Variants in BRI3 observed in about 807,000 individuals in gnomAD.
BRI3 encodes the protein membrane protein BRI3.
In BRI3, 6 loss-of-function variants were observed where a neutral mutation model predicts 12.8. The ratio of observed to expected loss-of-function variants is 0.47; its 90% confidence interval spans 0.26 to 0.93. BRI3 has a LOEUF of 0.93. Among genes scored for constraint, BRI3 ranks in the 40% least tolerant of loss-of-function variants. The pLI, the probability that BRI3 is intolerant of heterozygous loss-of-function variation, is 0.15. For synonymous variants in BRI3, 91 were observed against 76.1 expected (o/e 1.20, Z -1.02); for missense variants, 134 against 171.1 (o/e 0.78, Z 1.21).
downstream of BRI3, among the ~76,000 whole-genome samples, chr7:98,313,824 C>A (rs369568222): frequency 6.8e-6 from 1 of 146,940 alleles, no homozygotes; most frequent in African/African-American, 2.5e-5. Context: ...GAGATAGGGT[C>A]TCGCTATGCT....
At position 98,310,361 on chromosome 7, in the gene BRI3, C is replaced by G. The variant is rs572810697; in HGVS notation, n.2991C>G. On this transcript the variant is annotated non_coding_transcript_exon_variant, in exon 2 of 2. Coordinates refer to the BRI3 transcript ENST00000485422. ...TTGTTTACCTCCAAACCTTGCAATA[C>G]ATTTATACAAAATATTTATTTCACA... 31 of 1,468,850 alleles carry G rather than the reference C, an allele frequency of 2.1e-5. No homozygotes were observed. The African/African-American group carries it at 4.5e-4, about 21-fold the overall frequency. 91.0% of individuals were successfully genotyped at this position (1,468,850 alleles called of 1,614,324 possible).
chr7:98,281,834 C>T lies in BRI3; in HGVS notation c.39C>T (p.Ala13=). 7.8e-7 allele frequency: 1 copy of T among 1,285,002 alleles called. No homozygotes were observed. Among genetic ancestry groups the T allele is most frequent in the Non-Finnish European group, 9.9e-7 (1 of 1,013,154 alleles). The allele number at this position is 1,285,002 out of a possible 1,614,324, so 79.6% of individuals were successfully genotyped here. ...HKPLLQERPP[A]YNLEAGQGDY... ...CGCTGCTGCAGGAGCGGCCGCCCGC[C>T]TACAACCTGGAGGCCGGCCAGGGCG... Residue 13 remains alanine (A), a synonymous_variant, in exon 1 of 3, where the codon GCC becomes GCT. Transcript: ENST00000297290.
rs1455939695 is a variant in BRI3, at chr7:98,291,392, G to T, written c.*149G>T. On this transcript the variant is annotated 3_prime_UTR_variant, in exon 3 of 3. Coordinates refer to ENST00000297290, the MANE Select transcript of BRI3 (RefSeq NM_015379.5). ...CACACGCCAGCTGCGGTTTCCCGGA[G>T]CGTGGAGAGGCAGTGCTGCTGCTCC... 6.8e-7 allele frequency: 1 copy of T among 1,464,998 alleles called. No homozygotes were observed. Among genetic ancestry groups the T allele is most frequent in the African/African-American group, 1.4e-5 (1 of 70,378 alleles). The allele number at this position is 1,464,998 out of a possible 1,614,324, so 90.7% of individuals were successfully genotyped here.
intron 2 of BRI3, among the ~76,000 whole-genome samples, chr7:98,289,574 A>G (rs1267264065): frequency 6.6e-6 from 1 of 152,176 alleles, no homozygotes; most frequent in Non-Finnish European, 1.5e-5. Context: ...TTCCCCCCTA[A>G]GCACCAGGTC....
At chr7:98,304,096 T>TG, upstream of BRI3, 1 of 1,278,082 alleles carries the variant, frequency 7.8e-7, no homozygotes. Context: ...ACTCTCCCCC[T>TG]GGGGACAGAG....
At chr7:98,293,121 G>A (rs1261127535), downstream of BRI3, 1 of 397,618 alleles carries the variant, frequency 2.5e-6, no homozygotes, top group Non-Finnish European at 3.6e-6. Context: ...GCTATTAAGA[G>A]CACATGCTTT....
At chr7:98,293,608 A>G (rs753741284), downstream of BRI3, 2 of 1,610,874 alleles carry the variant, frequency 1.2e-6, no homozygotes, top group South Asian at 1.1e-5. Flanking sequence ...TGCAGGGGAT[A>G]AGAAAAATCT....
chr7:98,311,965 G>A (rs1214029132), downstream of BRI3: 1 of 894,002 alleles, frequency 1.1e-6, no homozygotes, highest in Admixed American at 2.4e-5. Flanking sequence ...AAGGTAAGGG[G>A]ATAGAGGTGC....
At chr7:98,295,688 T>C (rs1012751399), downstream of BRI3, among the ~76,000 whole-genome samples, 3 of 151,800 alleles carry the variant, frequency 2.0e-5, no homozygotes, top group Admixed American at 6.6e-5. Context: ...GCCAACACCA[T>C]CTCCCTCACA....
upstream of BRI3, among the ~76,000 whole-genome samples, chr7:98,305,792 T>C (rs1209972381): frequency 6.6e-6 from 1 of 152,162 alleles, no homozygotes; most frequent in Non-Finnish European, 1.5e-5. Flanking sequence ...AAAAAATCAA[T>C]GCAAAGTCCT....
intron 2 of BRI3, among the ~76,000 whole-genome samples, chr7:98,289,086 T>G (rs1458993793): frequency 6.6e-6 from 1 of 152,042 alleles, no homozygotes; most frequent in African/African-American, 2.4e-5. Flanking sequence ...GCTTCCCGAG[T>G]AGCTGGGATT....
At chr7:98,304,411 AAT>A (rs1800553249), upstream of BRI3, 2 of 1,608,020 alleles carry the variant, frequency 1.2e-6, no homozygotes, top group Admixed American at 1.7e-5. Context: ...CGTGTTAGAT[AAT>A]GTCTCACCAC....
downstream of BRI3, chr7:98,291,589 T>C (rs890831865): frequency 1.2e-5 from 13 of 1,046,850 alleles, no homozygotes; most frequent in Non-Finnish European, 1.5e-5. Flanking sequence ...GACACCCCCA[T>C]CGCTCCCCCG....
chr7:98,311,968 A>C, downstream of BRI3: 1 of 903,740 alleles, frequency 1.1e-6, no homozygotes, highest in South Asian at 1.7e-5. Flanking sequence ...GTAAGGGGAT[A>C]GAGGTGCGAA....
At chr7:98,322,094 T>C in the BRI3 span, among the ~76,000 whole-genome samples, 1 of 151,820 alleles carries the variant, frequency 6.6e-6, no homozygotes, top group Non-Finnish European at 1.5e-5. Flanking sequence ...AGACCCTGTC[T>C]CCCCGCCCCC....
chr7:98,305,475 G>A (rs941305985), upstream of BRI3, among the ~76,000 whole-genome samples: 1 of 152,150 alleles, frequency 6.6e-6, no homozygotes, highest in Non-Finnish European at 1.5e-5. Context: ...GGACCTGGAG[G>A]CCTTCTACCT....
At chr7:98,303,828 G>T (rs959237551), upstream of BRI3, among the ~76,000 whole-genome samples, 1 of 152,226 alleles carries the variant, frequency 6.6e-6, no homozygotes, top group East Asian at 1.9e-4. Flanking sequence ...CACTTTTAAT[G>T]TAAGCCTCTC....
At chr7:98,306,430 C>T (rs758242917), upstream of BRI3, 1 of 1,614,122 alleles carries the variant, frequency 6.2e-7, no homozygotes, top group Admixed American at 1.7e-5. Flanking sequence ...CAGCCACGTT[C>T]AGGGCTACCT....
downstream of BRI3, chr7:98,312,175 G>A (rs369077499): frequency 3.8e-5 from 61 of 1,613,860 alleles, no homozygotes; most frequent in Middle Eastern, 3.3e-4. Flanking sequence ...TTATTTCTTC[G>A]ATCATATTCA....
Sources: allele counts gnomAD v4.1 joint callset (sites outside exome capture counted in the v4.1 genomes callset), GRCh38; gene constraint gnomAD v4.1.1; transcripts MANE v1.5; gene names NCBI Gene and HGNC (gene_info 2026-07-23, HGNC 2026-07-21).